FAT1: variants seen among roughly 807,000 people sequenced by gnomAD.
The protein encoded by FAT1 is protocadherin Fat 1.
In FAT1, 171 loss-of-function variants were observed where a neutral mutation model predicts 329.8. That is an observed-to-expected ratio of 0.52 (90% CI 0.46 to 0.59). The LOEUF is 0.59. Ranked by LOEUF, FAT1 falls within the 20% of genes least tolerant of loss-of-function variation. The pLI, the probability that FAT1 is intolerant of heterozygous loss-of-function variation, is 0.00. For synonymous variants in FAT1, 2,233 were observed against 2,228.6 expected, an observed-to-expected ratio of 1.00 and a Z score of -0.06; for missense variants, 5,672 against 5,774.4, an observed-to-expected ratio of 0.98 and a Z score of 0.57.
At chr4:186,724,761 C>T (rs1745658685), upstream of FAT1, among the ~76,000 whole-genome samples, 1 of 152,198 alleles carries the variant, frequency 6.6e-6, no homozygotes, top group Non-Finnish European at 1.5e-5. The surrounding 1 kb of genome is among the most constrained non-coding windows in gnomAD (Gnocchi z 5.3). Flanking sequence ...CCCGGAGGGC[C>T]GGAGGCGCTG....
rs76211958 is a variant in FAT1, at chr4:186,650,712, C to A, written c.3581-10929G>T. On this transcript the variant is annotated intron_variant, in intron 3 of 26. Coordinates refer to ENST00000441802, the MANE Select transcript of FAT1 (RefSeq NM_005245.4). ...AAAGAACAGTAAAAAGGCCTAATAC[C>A]AGGAAAAATGAACATAAATTACATA... Among the ~76,000 whole-genome samples the A allele has an allele frequency of 6.6e-3, 1,010 of 152,204 alleles. 11 individuals are homozygous for A. The highest frequency in any genetic ancestry group is 0.024 in the African/African-American group (981 of 41,532).
At chr4:186,678,622 T>C (rs1030029545) in intron 2 of FAT1, among the ~76,000 whole-genome samples, 2 of 148,774 alleles carry the variant, frequency 1.3e-5, no homozygotes, top group African/African-American at 4.9e-5. Flanking sequence ...TATATGTTAT[T>C]AATATATTAT....
chr4:186,692,335 C>G (rs180847784), intron 2 of FAT1, among the ~76,000 whole-genome samples: 1 of 146,136 alleles, frequency 6.8e-6, no homozygotes, highest in African/African-American at 2.6e-5. Context: ...TTTTTTGAGA[C>G]GGAGTCTCGC....
intron 11 of FAT1, among the ~76,000 whole-genome samples, chr4:186,614,736 T>C (rs1021695068): frequency 6.6e-6 from 1 of 152,224 alleles, no homozygotes. Context: ...TATCTGCTCA[T>C]TTCCAAATAC....
chr4:186,636,317 GT>G (rs1473766362), intron 5 of FAT1, 82 bp from the exon 6 acceptor site: 2 of 1,294,748 alleles, frequency 1.5e-6, no homozygotes, highest in Non-Finnish European at 2.2e-6. Flanking sequence ...GACTGGTTTG[GT>G]CTTAAACTGA....
rs755994815 is a variant in FAT1, at chr4:186,709,735, A to G, written c.93T>C (p.Pro31=). The change falls in exon 2 of 27, where the codon CCT becomes CCC. Residue 31 remains proline (P), a synonymous_variant. Transcript: ENST00000441802. ...SDGSQRLEQT[P]LQFTHLEYNV... is the part of the protein sequence containing the mutation. Reference sequence around the variant, plus strand: ...TGTACTCGAGGTGTGTAAACTGCAGAGGAGTCTGTTCAAGTCGTTGGCTGC... The same window carrying G: ...TGTACTCGAGGTGTGTAAACTGCAGGGGAGTCTGTTCAAGTCGTTGGCTGC... 1 of 1,613,886 alleles carries G rather than the reference A, an allele frequency of 6.2e-7. No homozygotes were observed. Among genetic ancestry groups the G allele is most frequent in the Non-Finnish European group, 8.5e-7 (1 of 1,179,824 alleles).
chr4:186,588,696 C>A lies in FAT1; in HGVS notation c.13663G>T (p.Val4555Leu). The A allele has an allele frequency of 6.2e-7, 1 of 1,613,880 alleles. No homozygotes were observed. The highest frequency in any genetic ancestry group is 8.5e-7 in the Non-Finnish European group (1 of 1,179,904). The change falls in exon 27 of 27, where the codon GTG becomes TTG. Residue 4555 changes from valine (V) to leucine (L), a missense_variant. Val to Leu is a conservative substitution (Grantham distance 32). Coordinates refer to ENST00000441802, the MANE Select transcript of FAT1 (RefSeq NM_005245.4). ...TCACTCATCATGACCTCGGACTCCACTTCGCAGCAGGCTGACACGTCAGAG... is the reference window on the plus strand; with the variant it reads ...TCACTCATCATGACCTCGGACTCCAATTCGCAGCAGGCTGACACGTCAGAG... ...SCSDVSACCE[V>L]ESEVMMSDYE... is the part of the protein sequence containing the mutation.
chr4:186,714,382 G>A lies in FAT1; in HGVS notation c.-18-4537C>T, dbSNP rs141951257. Among the ~76,000 whole-genome samples, 440 of 152,280 alleles carry A rather than the reference G, an allele frequency of 2.9e-3. 2 individuals carry two copies. Among genetic ancestry groups the A allele is most frequent in the African/African-American group, 9.6e-3 (401 of 41,574 alleles). On this transcript the variant is annotated intron_variant, in intron 1 of 26. Transcript: ENST00000441802. Reference sequence around the variant, plus strand: ...AGGAACCGAGAGGGAGACAGGAGGAGAAGCAGCCTCAGGGAGCAGATCGGG... The same window carrying A: ...AGGAACCGAGAGGGAGACAGGAGGAAAAGCAGCCTCAGGGAGCAGATCGGG...
intron 2 of FAT1, among the ~76,000 whole-genome samples, chr4:186,705,324 G>A (rs1243676954): frequency 6.6e-6 from 1 of 151,940 alleles, no homozygotes; most frequent in Non-Finnish European, 1.5e-5. Context: ...CAGGGTGGGT[G>A]TTGACTGAAG....
chr4:186,665,775 T>G (rs917530874), intron 2 of FAT1, among the ~76,000 whole-genome samples: 4 of 152,070 alleles, frequency 2.6e-5, no homozygotes. Flanking sequence ...AGCAAAGACT[T>G]GGAACCAACC....
chr4:186,649,787 C>A (rs751539951), intron 3 of FAT1, among the ~76,000 whole-genome samples: 1 of 152,086 alleles, frequency 6.6e-6, no homozygotes, highest in Non-Finnish European at 1.5e-5. Context: ...GGGAAATAAA[C>A]CTTTTTTAAA....
intron 3 of FAT1, among the ~76,000 whole-genome samples, chr4:186,661,715 C>T (rs1017745520): frequency 1.3e-5 from 2 of 152,106 alleles, no homozygotes; most frequent in Non-Finnish European, 2.9e-5. Flanking sequence ...TTCTGTGAGC[C>T]GCTCCAATAA....
At chr4:186,688,572 A>AG in intron 2 of FAT1, among the ~76,000 whole-genome samples, 1 of 152,152 alleles carries the variant, frequency 6.6e-6, no homozygotes, top group South Asian at 2.1e-4. Flanking sequence ...GAAGAAATGA[A>AG]GGGGGACGCA....
chr4:186,596,523 G>A lies in FAT1; in HGVS notation c.13000+17C>T, dbSNP rs942270310. 1.9e-6 allele frequency: 3 copies of A among 1,602,058 alleles called. No individual in the cohort carries two copies. The highest frequency in any genetic ancestry group is 2.7e-5 in the African/African-American group (2 of 74,280). On this transcript the variant is annotated intron_variant, in intron 25 of 26. Coordinates refer to ENST00000441802, the MANE Select transcript of FAT1 (RefSeq NM_005245.4). The surrounding 1 kb of genome is among the most constrained non-coding windows in gnomAD (Gnocchi z 4.7). The stretch of plus-strand genomic sequence containing the variant: ...ATCTCAAGTGACACTTTAGTGAGAT[G>A]AAAAAGTGGCTCTTACTGTCATAGT...
intron 20 of FAT1, among the ~76,000 whole-genome samples, chr4:186,602,007 G>C (rs1480030194): frequency 6.6e-6 from 1 of 152,152 alleles, no homozygotes; most frequent in Non-Finnish European, 1.5e-5. Context: ...TTGATACTAA[G>C]AAACAAATAA....
intron 9 of FAT1, among the ~76,000 whole-genome samples, chr4:186,623,292 A>T (rs1232023008): frequency 6.6e-6 from 1 of 152,190 alleles, no homozygotes; most frequent in Admixed American, 6.5e-5. Context: ...CTTATGAGTC[A>T]GTGATCCCAG....
At chr4:186,651,001 GA>G (rs2126594217) in intron 3 of FAT1, among the ~76,000 whole-genome samples, 1 of 126,136 alleles carries the variant, frequency 7.9e-6, no homozygotes, top group Non-Finnish European at 1.7e-5. Context: ...TCATTATTTT[GA>G]TTTTTACAAT....
In FAT1 at chr4:186,695,121, C is replaced by T. The variant is rs142741568; in HGVS notation, c.3265+11442G>A. Among the ~76,000 whole-genome samples, 5 of 152,324 alleles carry T rather than the reference C, an allele frequency of 3.3e-5. No individual in the cohort carries two copies. The East Asian group carries it at 9.6e-4, about 29-fold the overall frequency. ...TTTAAGAAATTCATCAATAATGATA[C>T]TAACAAAAATAGATCCTACTAATCT... On this transcript the variant is annotated intron_variant, in intron 2 of 26. Coordinates refer to ENST00000441802, the MANE Select transcript of FAT1 (RefSeq NM_005245.4).
chr4:186,681,965 T>C (rs1743229186), intron 2 of FAT1, among the ~76,000 whole-genome samples: 1 of 152,210 alleles, frequency 6.6e-6, no homozygotes, highest in African/African-American at 2.4e-5. Context: ...TACGGATCTA[T>C]AAGTAAAGAC....
Sources: gnomAD v4.1 joint callset for allele counts (sites outside exome capture counted in the v4.1 genomes callset) on GRCh38, gnomAD v4.1.1 for gene constraint, Gnocchi (gnomAD v3.1) non-coding constraint, MANE v1.5 for transcripts, NCBI Gene and HGNC (gene_info 2026-07-23, HGNC 2026-07-21) for gene names.